The following PDGFRA variants were observed in gnomAD, a reference collection of about 807,000 sequenced individuals.
PDGFRA encodes platelet derived growth factor receptor alpha.
PDGFRA carries 25 observed loss-of-function variants against 121.5 expected under a neutral mutation model. The ratio of observed to expected loss-of-function variants is 0.21; its 90% CI spans 0.15 to 0.29. The LOEUF (loss-of-function observed/expected upper bound fraction) is 0.29, where lower values mean the gene tolerates loss of function less well. Among genes scored for constraint, PDGFRA ranks in the 10% least tolerant of loss-of-function variants. PDGFRA has a pLI of 1.00. For synonymous variants in PDGFRA, 463 were observed against 494.8 expected (o/e 0.94, Z 0.85); for missense variants, 1,008 against 1,345.1 (o/e 0.75, Z 3.92).
chr4:54,248,471 T>G (rs1289028671), intron 1 of PDGFRA, among the ~76,000 whole-genome samples: 1 of 152,198 alleles, frequency 6.6e-6, no homozygotes, highest in Non-Finnish European at 1.5e-5. Context: ...GGGGAAAGGA[T>G]TCTTTATTTA....
At chr4:54,260,720 T>C (rs958525446) in intron 2 of PDGFRA, among the ~76,000 whole-genome samples, 2 of 152,144 alleles carry the variant, frequency 1.3e-5, no homozygotes, top group African/African-American at 4.8e-5. Flanking sequence ...CATCTCATTT[T>C]AACTAAAGGA....
chr4:54,294,491 G>A (rs10032688), intron 22 of PDGFRA, among the ~76,000 whole-genome samples: 31,581 of 152,042 alleles, frequency 0.21, 4,083 homozygotes, highest in African/African-American at 0.36. Flanking sequence ...TGAAGTTCAC[G>A]TTCAAGTTAA....
intron 18 of PDGFRA, among the ~76,000 whole-genome samples, chr4:54,286,711 C>G (rs980435118): frequency 4.6e-5 from 7 of 152,154 alleles, no homozygotes; most frequent in Non-Finnish European, 1.0e-4. Flanking sequence ...CATGCATTCC[C>G]AAGGATGGTG....
chr4:54,294,349 G>C (rs1279014532), intron 22 of PDGFRA, among the ~76,000 whole-genome samples: 1 of 151,928 alleles, frequency 6.6e-6, no homozygotes, highest in Non-Finnish European at 1.5e-5. Flanking sequence ...AGTTGTAAGA[G>C]GGTTCTGCTT....
rs1349318035 is a variant in PDGFRA at position 54,277,390 on chromosome 4, C to T, written c.1789C>T (p.Arg597Trp). The change falls in exon 13 of 23, where the codon CGG (arginine) becomes TGG (tryptophan). Residue 597 changes from arginine to tryptophan, a missense_variant and splice_region_variant. Arg to Trp is a moderately radical substitution (Grantham distance 101). Around this residue, in one of 5 missense-constraint regions of PDGFRA, gnomAD observed 61 missense variants for 125.3 expected, o/e 0.49. Transcript: ENST00000257290. Reference sequence around the variant, plus strand: ...TTAATGATTCTGCCTGCCCACAGGTCGGGTCTTGGGGTCTGGAGCGTTTGG... The same window carrying T: ...TTAATGATTCTGCCTGCCCACAGGTTGGGTCTTGGGGTCTGGAGCGTTTGG... ...EFPRDGLVLG[R>W]VLGSGAFGKV... 21 of 1,612,184 alleles carry T rather than the reference C, an allele frequency of 1.3e-5. No individual in the cohort carries two copies. The highest frequency in any genetic ancestry group is 1.6e-4 in the Middle Eastern group (1 of 6,078).
intron 18 of PDGFRA, among the ~76,000 whole-genome samples, chr4:54,286,562 G>T (rs1227308724): frequency 6.6e-6 from 1 of 151,928 alleles, no homozygotes; most frequent in Non-Finnish European, 1.5e-5. Context: ...TCACCATGTT[G>T]CCCAGACTGG....
In PDGFRA at chr4:54,245,210, A is replaced by G. The variant is rs374470809; in HGVS notation, c.-12-13547A>G. Among the ~76,000 whole-genome samples, 301 of 152,310 alleles carry G rather than the reference A, an allele frequency of 2.0e-3. 4 individuals are homozygous for G. The South Asian group carries it at 0.024, about 12-fold the overall frequency. ...AGGCCAACATTCAGATTCAGGAAAT[A>G]CAGAGAACGCCACAAAGATACTCCT... On this transcript the variant is annotated intron_variant, in intron 1 of 22. Coordinates refer to ENST00000257290, the MANE Select transcript of PDGFRA (RefSeq NM_006206.6).
intron 5 of PDGFRA, 110 bp downstream of exon 5, chr4:54,265,159 C>G: frequency 1.0e-6 from 1 of 999,416 alleles, no homozygotes; most frequent in Non-Finnish European, 1.6e-6. Context: ...TTTCTCTAGA[C>G]CTTAGCTTCC....
intron 8 of PDGFRA, among the ~76,000 whole-genome samples, chr4:54,270,999 G>A (rs1162190112): frequency 6.6e-6 from 1 of 152,100 alleles, no homozygotes; most frequent in East Asian, 1.9e-4. Flanking sequence ...TGTAGAGATG[G>A]AGTCTTGCCA....
chr4:54,273,517 T>TAGGCCCTTTTTCTCTC lies in PDGFRA; in HGVS notation c.1365-19_1365-4dup. 1 of 1,607,300 alleles carries TAGGCCCTTTTTCTCTC rather than the reference T, an allele frequency of 6.2e-7. No homozygotes were observed. Among genetic ancestry groups the TAGGCCCTTTTTCTCTC allele is most frequent in the Non-Finnish European group, 8.5e-7 (1 of 1,173,982 alleles). ...GACTCTCAGGAATTGGCCCTATACT[T>TAGGCCCTTTTTCTCTC]AGGCCCTTTTTCTCTCTAGATGTAA... On this transcript the variant is annotated intron_variant, in intron 9 of 22. Coordinates refer to ENST00000257290, the MANE Select transcript of PDGFRA (RefSeq NM_006206.6).
intron 22 of PDGFRA, among the ~76,000 whole-genome samples, chr4:54,293,906 CTTGT>C (rs1724752600): frequency 3.0e-5 from 1 of 33,120 alleles, no homozygotes; most frequent in Non-Finnish European, 6.3e-5. Context: ...GTCCAAGTTG[CTTGT>C]GTGTGTGTGT....
chr4:54,279,659 G>GCAGT (rs1299682435), intron 15 of PDGFRA, among the ~76,000 whole-genome samples: 1 of 152,018 alleles, frequency 6.6e-6, no homozygotes, highest in Non-Finnish European at 1.5e-5. Context: ...CATCACTGGA[G>GCAGT]CAGTATACAC....
chr4:54,283,381 T>C (rs2110331476), intron 16 of PDGFRA, among the ~76,000 whole-genome samples: 1 of 152,346 alleles, frequency 6.6e-6, no homozygotes, highest in East Asian at 1.9e-4. Context: ...CCAAGGTTTA[T>C]GGCTGTCACA....
At chr4:54,243,338 G>T (rs1236985632) in intron 1 of PDGFRA, among the ~76,000 whole-genome samples, 1 of 152,156 alleles carries the variant, frequency 6.6e-6, no homozygotes, top group Non-Finnish European at 1.5e-5. Flanking sequence ...ATGTAATTGA[G>T]ATTACTGGAG....
chr4:54,265,663 G>A (rs1269934552), intron 5 of PDGFRA, among the ~76,000 whole-genome samples: 1 of 152,170 alleles, frequency 6.6e-6, no homozygotes, highest in Non-Finnish European at 1.5e-5. Flanking sequence ...AAGGGAGGAG[G>A]GGAGATGGAA....
rs750991468 is a variant in PDGFRA, at chr4:54,296,939, A to T, written c.*1667A>T. On this transcript the variant is annotated 3_prime_UTR_variant, in exon 23 of 23. Transcript: ENST00000257290. ...TGGTTTTGACAGGTTTTCCAAAAGT[A>T]AAGATGCTACTTCCCACTGTATGGG... 4 of 233,214 alleles carry T rather than the reference A, an allele frequency of 1.7e-5. No homozygotes were observed. In the East Asian group the frequency reaches 1.8e-4, roughly 11 times the overall value. 14.4% of individuals were successfully genotyped at this position (233,214 alleles called of 1,614,324 possible).
Position 54,260,397 on chromosome 4 carries a change from GTTTTTTTTTTTTTTT to G in PDGFRA, c.50-683_50-669del, listed in dbSNP as rs68009440. Among the ~76,000 whole-genome samples the G allele has an allele frequency of 7.4e-4, 48 of 64,600 alleles. 1 individual carries two copies. The East Asian group carries it at 0.012, about 17-fold the overall frequency. The allele number at this position is 64,600 out of a possible 152,430, so 42.4% of individuals were successfully genotyped here. A position where few individuals can be genotyped will look rare whatever the true frequency, so the allele number is the denominator to read the frequency against. ...TTGCCTCCATTCTTATTCCATGTGG[GTTTTTTTTTTTTTTT>G]TTTTTTTTTTTTTTGAGACAGGGTC... On this transcript the variant is annotated intron_variant, in intron 2 of 22. Transcript: ENST00000257290.
chr4:54,285,668 C>G (rs1724318817), intron 17 of PDGFRA, among the ~76,000 whole-genome samples, 173 bp from the exon 18 acceptor site: 2 of 152,160 alleles, frequency 1.3e-5, no homozygotes, highest in African/African-American at 4.8e-5. Flanking sequence ...CTACTCTTCT[C>G]TAGAGCTTTC....
intron 3 of PDGFRA, among the ~76,000 whole-genome samples, chr4:54,261,999 A>T (rs1722771219): frequency 6.9e-6 from 1 of 145,032 alleles, no homozygotes; most frequent in South Asian, 2.2e-4. Flanking sequence ...CATGATCATC[A>T]TAGCTTACTG....
Sources: allele counts gnomAD v4.1 joint callset (sites outside exome capture counted in the v4.1 genomes callset), GRCh38; gene constraint gnomAD v4.1.1; regional missense constraint gnomAD v4.1.1; transcripts MANE v1.5; gene names NCBI Gene and HGNC (gene_info 2026-07-23, HGNC 2026-07-21).